The following ARHGEF3 variants were observed in gnomAD, a reference collection of about 807,000 sequenced individuals.
The protein encoded by ARHGEF3 is 59.8 kDA protein.
A neutral mutation model predicts 63.2 loss-of-function variants in ARHGEF3; 28 were observed. The ratio of observed to expected loss-of-function variants is 0.44; its 90% CI spans 0.33 to 0.61. The LOEUF is 0.61. ARHGEF3 is among the 20% of genes least tolerant of loss of function. The pLI is 0.03. For synonymous variants in ARHGEF3, 266 were observed against 254.2 expected, an observed-to-expected ratio of 1.05 and a Z score of -0.44; for missense variants, 533 against 659.3, an observed-to-expected ratio of 0.81 and a Z score of 2.10.
intron 3 of ARHGEF3, among the ~76,000 whole-genome samples, chr3:56,948,745 C>T (rs1260731988): frequency 1.2e-4 from 19 of 152,120 alleles, no homozygotes; most frequent in Admixed American, 4.6e-4. Flanking sequence ...TTCCAATCAA[C>T]AGAAAAAGAG....
At chr3:56,794,488 C>CAAAAA (rs10557985) in intron 1 of ARHGEF3, among the ~76,000 whole-genome samples, 76 of 116,840 alleles carry the variant, frequency 6.5e-4, no homozygotes, top group East Asian at 2.4e-3. Flanking sequence ...GACTCTATCT[C>CAAAAA]AAAAAAAAAA....
At chr3:56,811,259 T>C (rs1237635323) in intron 4 of ARHGEF3, among the ~76,000 whole-genome samples, 2 of 152,090 alleles carry the variant, frequency 1.3e-5, no homozygotes, top group Non-Finnish European at 2.9e-5. Context: ...CTTATCTTCA[T>C]AGCCAGAGGG....
chr3:57,007,730 G>A (rs568450375), intron 2 of ARHGEF3, among the ~76,000 whole-genome samples: 3 of 152,144 alleles, frequency 2.0e-5, no homozygotes, highest in Admixed American at 1.3e-4. Context: ...TTCTTCAAGA[G>A]ACTGGCTTTG....
At chr3:56,855,472 T>A (rs925572191) in intron 4 of ARHGEF3, among the ~76,000 whole-genome samples, 4 of 151,902 alleles carry the variant, frequency 2.6e-5, no homozygotes, top group African/African-American at 9.7e-5. Flanking sequence ...TCACTTGAGG[T>A]CAGGAGTTCA....
intron 2 of ARHGEF3, among the ~76,000 whole-genome samples, chr3:56,983,300 G>T (rs1009993588): frequency 1.4e-4 from 22 of 152,134 alleles, no homozygotes. Context: ...ACCATGGTCT[G>T]CTAGGGTTGA....
chr3:56,869,978 A>T (rs1362088479), intron 4 of ARHGEF3, among the ~76,000 whole-genome samples: 12 of 152,132 alleles, frequency 7.9e-5, no homozygotes, highest in Admixed American at 6.5e-4. Context: ...ATATATATAT[A>T]TTTTAAATTA....
At chr3:56,902,352 G>A (rs144482087) in intron 3 of ARHGEF3, among the ~76,000 whole-genome samples, 16 of 152,250 alleles carry the variant, frequency 1.1e-4, no homozygotes, top group Admixed American at 3.3e-4. Flanking sequence ...ATAGATGGAT[G>A]GAGATAGACA....
intron 1 of ARHGEF3, among the ~76,000 whole-genome samples, chr3:57,067,336 TC>T (rs1705599408): frequency 6.6e-6 from 1 of 151,556 alleles, no homozygotes. Flanking sequence ...GCGCCTGTAC[TC>T]CCAGTTACTC....
At chr3:57,005,772 T>A (rs546049161) in intron 2 of ARHGEF3, among the ~76,000 whole-genome samples, 1 of 152,316 alleles carries the variant, frequency 6.6e-6, no homozygotes, top group South Asian at 2.1e-4. Flanking sequence ...GAATAATGTT[T>A]GCTGGGCACC....
chr3:56,773,978 G>A (rs2036153977), intron 1 of ARHGEF3, among the ~76,000 whole-genome samples, 162 bp from the exon 2 acceptor site: 2 of 152,178 alleles, frequency 1.3e-5, no homozygotes, highest in Admixed American at 1.3e-4. Flanking sequence ...AGATGACCTG[G>A]CTTAGGAGGC....
intron 4 of ARHGEF3, among the ~76,000 whole-genome samples, chr3:56,875,788 G>A (rs960061809): frequency 9.9e-5 from 15 of 152,150 alleles, no homozygotes; most frequent in African/African-American, 2.2e-4. Context: ...CACCTGCTAC[G>A]GGCAAGGCCT....
At chr3:56,914,296 C>T (rs987664072) in intron 3 of ARHGEF3, among the ~76,000 whole-genome samples, 3 of 152,136 alleles carry the variant, frequency 2.0e-5, no homozygotes, top group African/African-American at 7.2e-5. Context: ...AAAGCAGGGT[C>T]TTAAGAGATA....
chr3:56,825,490 T>C (rs766897591), intron 4 of ARHGEF3, among the ~76,000 whole-genome samples: 17 of 152,226 alleles, frequency 1.1e-4, no homozygotes, highest in South Asian at 2.1e-4. Flanking sequence ...CAAATGCCAA[T>C]TACATGATGA....
At chr3:57,001,731 G>A (rs1702197792) in intron 2 of ARHGEF3, among the ~76,000 whole-genome samples, 1 of 152,214 alleles carries the variant, frequency 6.6e-6, no homozygotes, top group Middle Eastern at 3.4e-3. Context: ...CCTCACCAAG[G>A]GGATGGCGGA....
At chr3:56,865,888 T>C (rs748881465) in intron 4 of ARHGEF3, among the ~76,000 whole-genome samples, 3 of 152,242 alleles carry the variant, frequency 2.0e-5, no homozygotes, top group Admixed American at 6.5e-5. Flanking sequence ...ACCCAGGCTA[T>C]GGTATTTTGT....
intron 3 of ARHGEF3, among the ~76,000 whole-genome samples, chr3:56,946,120 C>T (rs866912080): frequency 2.6e-5 from 4 of 152,262 alleles, no homozygotes; most frequent in African/African-American, 9.6e-5. Flanking sequence ...CACCAAAACC[C>T]CATCTGTACG....
intron 1 of ARHGEF3, among the ~76,000 whole-genome samples, chr3:56,779,579 G>A (rs1425885511): frequency 6.6e-6 from 1 of 151,942 alleles, no homozygotes; most frequent in Non-Finnish European, 1.5e-5. Context: ...TGCAAGCTCC[G>A]CCTCCCGGGT....
intron 3 of ARHGEF3, among the ~76,000 whole-genome samples, chr3:56,918,158 T>C (rs2042032579): frequency 6.6e-6 from 1 of 152,158 alleles, no homozygotes; most frequent in African/African-American, 2.4e-5. Context: ...CAACTTGAGA[T>C]TAGCTAGCTT....
chr3:56,918,880 C>G (rs1178671402), intron 3 of ARHGEF3, among the ~76,000 whole-genome samples: 1 of 152,170 alleles, frequency 6.6e-6, no homozygotes, highest in Admixed American at 6.5e-5. Context: ...TCGAACCACA[C>G]AGAAGTATAC....
Sources: allele counts gnomAD v4.1 joint callset (sites outside exome capture counted in the v4.1 genomes callset), GRCh38; gene constraint gnomAD v4.1.1; transcripts MANE v1.5; gene names NCBI Gene and HGNC (gene_info 2026-07-23, HGNC 2026-07-21).